The following LINGO1 variants were observed in gnomAD, a reference collection of about 807,000 sequenced individuals.
LINGO1 encodes leucine rich repeat and Ig domain containing 1.
In LINGO1, 11 loss-of-function variants were observed where a neutral mutation model predicts 37.3. The observed-to-expected ratio is 0.29, with a 90% CI of 0.19 to 0.49. The LOEUF is 0.49. LINGO1 is among the 20% of genes least tolerant of loss of function. The probability of loss-of-function intolerance (pLI) is 0.99; values close to 1 mark genes in which losing one functional copy is unlikely to be tolerated. For synonymous variants in LINGO1, 387 were observed against 403.0 expected (o/e 0.96, Z 0.48); for missense variants, 585 against 878.2 (o/e 0.67, Z 4.22).
At chr15:77,624,520 G>A (rs372670992) in intron 1 of LINGO1, among the ~76,000 whole-genome samples, 10 of 152,312 alleles carry the variant, frequency 6.6e-5, no homozygotes, top group South Asian at 2.1e-4. Context: ...CGGCCAGCTC[G>A]CAGCCCCTGG....
chr15:77,763,520 C>T (rs183493992), intron 1 of LINGO1, among the ~76,000 whole-genome samples: 1 of 152,274 alleles, frequency 6.6e-6, no homozygotes, highest in East Asian at 1.9e-4. Context: ...GCCCACCCCC[C>T]ACTGACTGAC....
chr15:77,701,460 G>T (rs1242358585), upstream of LINGO1, among the ~76,000 whole-genome samples: 2 of 152,130 alleles, frequency 1.3e-5, no homozygotes, highest in African/African-American at 4.8e-5. Flanking sequence ...AACCCCGGAG[G>T]CCCCAAGTTG....
intron 1 of LINGO1, among the ~76,000 whole-genome samples, chr15:77,736,101 C>T (rs1221520905): frequency 6.6e-6 from 1 of 152,234 alleles, no homozygotes; most frequent in Non-Finnish European, 1.5e-5. Context: ...TAAACACTCT[C>T]ATTCCCAGTC....
At chr15:77,786,555 G>A (rs575470560) in intron 1 of LINGO1, among the ~76,000 whole-genome samples, 25 of 152,314 alleles carry the variant, frequency 1.6e-4, no homozygotes, top group Middle Eastern at 3.4e-3. Context: ...AGACGGCCTC[G>A]GCTGCAATGG....
At chr15:77,648,944 C>T (rs1016196448) in intron 3 of LINGO1, 8 of 152,356 alleles carry the variant, frequency 5.3e-5, no homozygotes, top group African/African-American at 1.9e-4. Context: ...GCCACACACC[C>T]CAGTGGCCTC....
At position 77,768,314 on chromosome 15, in the gene LINGO1, T is replaced by C. The variant is rs1436916641; in HGVS notation, c.-257+18555A>G. On this transcript the variant is annotated intron_variant, in intron 1 of 3. Transcript: ENST00000561686. ...GGCCCTCAGCTTCCTCCTCCCTGAT[T>C]AGCGCCTCCTGAAGGTGGGAGTCTG... 2.0e-5 allele frequency among the ~76,000 whole-genome samples: 3 copies of C among 152,188 alleles called. No homozygotes were observed. The East Asian group carries it at 5.8e-4, about 29-fold the overall frequency.
intron 1 of LINGO1, among the ~76,000 whole-genome samples, chr15:77,786,416 G>A (rs2076771467): frequency 6.6e-6 from 1 of 152,150 alleles, no homozygotes; most frequent in Non-Finnish European, 1.5e-5. Flanking sequence ...GGGATCTGCA[G>A]GACCCATTCT....
Position 77,774,065 on chromosome 15 carries a change from C to T in LINGO1, c.-257+12804G>A, listed in dbSNP as rs577495833. Reference sequence around the variant, plus strand: ...CACTGCCCTCCTTGGCTGCACAGCTCCTGAGGACAGGGGCTCCAGGGATGC... The same window carrying T: ...CACTGCCCTCCTTGGCTGCACAGCTTCTGAGGACAGGGGCTCCAGGGATGC... On this transcript the variant is annotated intron_variant, in intron 1 of 3. Transcript: ENST00000561686. 5.9e-5 allele frequency among the ~76,000 whole-genome samples: 9 copies of T among 152,220 alleles called. No homozygotes were observed. In the South Asian group the frequency reaches 1.0e-3, roughly 18 times the overall value.
chr15:77,761,371 C>T (rs758633500), intron 1 of LINGO1, among the ~76,000 whole-genome samples: 1 of 152,236 alleles, frequency 6.6e-6, no homozygotes, highest in Non-Finnish European at 1.5e-5. Context: ...GCCCAGTCCA[C>T]AGGCACAGGA....
At chr15:77,748,221 G>C (rs1410199458) in intron 1 of LINGO1, among the ~76,000 whole-genome samples, 1 of 152,196 alleles carries the variant, frequency 6.6e-6, no homozygotes, top group Non-Finnish European at 1.5e-5. Flanking sequence ...GTTCCTAAGA[G>C]GGCAGTGCCT....
intron 3 of LINGO1, among the ~76,000 whole-genome samples, chr15:77,641,060 A>G (rs915747826): frequency 1.3e-5 from 2 of 152,186 alleles, no homozygotes; most frequent in Non-Finnish European, 2.9e-5. Flanking sequence ...TCAGTCAGGT[A>G]CACGGAAGGT....
intron 3 of LINGO1, among the ~76,000 whole-genome samples, chr15:77,647,334 C>T (rs1379884935): frequency 6.6e-6 from 1 of 151,178 alleles, no homozygotes; most frequent in Non-Finnish European, 1.5e-5. Context: ...AGAGGTAGAC[C>T]CAGCTCACAG....
chr15:77,640,964 G>A (rs1018950392), intron 3 of LINGO1, among the ~76,000 whole-genome samples: 2 of 152,208 alleles, frequency 1.3e-5, no homozygotes, highest in Admixed American at 6.5e-5. Context: ...TGGGAGAAGT[G>A]GGGGTGGGGC....
chr15:77,722,235 G>A (rs1159987170), intron 2 of LINGO1, among the ~76,000 whole-genome samples: 2 of 152,254 alleles, frequency 1.3e-5, no homozygotes, highest in East Asian at 1.9e-4. Flanking sequence ...CAGCTCACTC[G>A]CAGCCCGTCT....
At chr15:77,634,333 C>T (rs1006219374), upstream of LINGO1, 4 of 456,002 alleles carry the variant, frequency 8.8e-6, no homozygotes, top group Admixed American at 9.4e-5. Flanking sequence ...CACACCGTTG[C>T]TCTGGACAGT....
chr15:77,747,870 C>G (rs1312747734), intron 1 of LINGO1, among the ~76,000 whole-genome samples: 2 of 151,142 alleles, frequency 1.3e-5, no homozygotes, highest in Admixed American at 6.6e-5. Flanking sequence ...CACCTCCACA[C>G]GTCAGTGGAG....
At chr15:77,756,859 C>A (rs933859316) in intron 1 of LINGO1, among the ~76,000 whole-genome samples, 1 of 152,208 alleles carries the variant, frequency 6.6e-6, no homozygotes, top group Non-Finnish European at 1.5e-5. Context: ...CCACCGCCCC[C>A]CAATGCCAAC....
intron 1 of LINGO1, among the ~76,000 whole-genome samples, chr15:77,818,189 C>G (rs1324866434): frequency 1.3e-5 from 2 of 152,150 alleles, no homozygotes; most frequent in African/African-American, 4.8e-5. Context: ...AAAACCTGCC[C>G]TGGAAACAAG....
At chr15:77,692,459 A>G (rs544946132) in intron 1 of LINGO1, among the ~76,000 whole-genome samples, 4 of 152,334 alleles carry the variant, frequency 2.6e-5, no homozygotes, top group South Asian at 4.1e-4. Flanking sequence ...AATCTTTTGT[A>G]TGGCAATTGA....
Sources: gnomAD v4.1 joint callset for allele counts (sites outside exome capture counted in the v4.1 genomes callset) on GRCh38, gnomAD v4.1.1 for gene constraint, MANE v1.5 for transcripts, NCBI Gene and HGNC (gene_info 2026-07-23, HGNC 2026-07-21) for gene names.